CDC14A: variants seen among roughly 807,000 people sequenced by gnomAD.
The protein encoded by CDC14A is dual specificity protein phosphatase CDC14A.
In CDC14A, 53 loss-of-function variants were observed where a neutral mutation model predicts 74.4. That is an observed-to-expected ratio of 0.71 (90% CI 0.57 to 0.89). The LOEUF (loss-of-function observed/expected upper bound fraction) is 0.89, where lower values mean the gene tolerates loss of function less well. CDC14A is among the 40% of genes least tolerant of loss of function. The pLI, the probability that CDC14A is intolerant of heterozygous loss-of-function variation, is 0.00. For synonymous variants in CDC14A, 247 were observed against 258.4 expected, an observed-to-expected ratio of 0.96 and a Z score of 0.43; for missense variants, 646 against 713.7, an observed-to-expected ratio of 0.91 and a Z score of 1.08.
intron 2 of CDC14A, among the ~76,000 whole-genome samples, chr1:100,363,462 TTTG>T (rs1223209442): frequency 2.0e-5 from 3 of 152,246 alleles, no homozygotes; most frequent in African/African-American, 4.8e-5. Flanking sequence ...ATCACAATTA[TTTG>T]TTGTTGACAG....
At chr1:100,346,548 T>C (rs12123193) in intron 1 of CDC14A, among the ~76,000 whole-genome samples, 24,024 of 151,378 alleles carry the variant, frequency 0.16, 2,094 homozygotes, top group Non-Finnish European at 0.19. Flanking sequence ...GGGGGAATCA[T>C]TCAAGCTTAG....
At position 100,353,870 on chromosome 1, in the gene CDC14A, T is replaced by C; in HGVS notation, c.140+18T>C. The stretch of plus-strand genomic sequence containing the variant: ...TATGAAAAGTAAGTTTATGTTTTGT[T>C]TTTTTTTCTCTTGGCCATTCAGCTT... On this transcript the variant is annotated intron_variant, in intron 2 of 15. Coordinates refer to ENST00000336454, the MANE Select transcript of CDC14A (RefSeq NM_003672.4). The C allele has an allele frequency of 1.3e-6, 2 of 1,497,266 alleles. No individual in the cohort carries two copies. The highest frequency in any genetic ancestry group is 1.4e-5 in the African/African-American group (1 of 72,874). 92.7% of individuals were successfully genotyped at this position (1,497,266 alleles called of 1,614,324 possible).
chr1:100,366,231 A>AT lies in CDC14A; in HGVS notation c.141-11307dup, dbSNP rs557270900. On this transcript the variant is annotated intron_variant, in intron 2 of 15. Coordinates refer to ENST00000336454, the MANE Select transcript of CDC14A (RefSeq NM_003672.4). ...ATTCATCCTGTTTTTAAAGCAGTTA[A>AT]TTTTTTTTGTATTGCAAGTACTCTG... is the stretch of plus-strand genomic sequence containing the variant. Among the ~76,000 whole-genome samples, 33 of 152,126 alleles carry AT rather than the reference A, an allele frequency of 2.2e-4. No individual in the cohort carries two copies. The South Asian group carries it at 5.8e-3, about 27-fold the overall frequency.
intron 8 of CDC14A, among the ~76,000 whole-genome samples, chr1:100,456,712 C>A (rs1666735323): frequency 6.6e-6 from 1 of 151,662 alleles, no homozygotes; most frequent in African/African-American, 2.4e-5. Context: ...TATTGTTATT[C>A]ATGCATTTAG....
intron 13 of CDC14A, among the ~76,000 whole-genome samples, chr1:100,497,742 T>G (rs1183259579): frequency 6.6e-6 from 1 of 152,234 alleles, no homozygotes; most frequent in African/African-American, 2.4e-5. Context: ...AGCAGGACTT[T>G]GACTCCTGGG....
chr1:100,377,139 C>A (rs957798006), intron 2 of CDC14A, among the ~76,000 whole-genome samples: 31 of 151,632 alleles, frequency 2.0e-4, no homozygotes, highest in African/African-American at 7.0e-4. Flanking sequence ...CTCCCGGGTT[C>A]AAGTGATTCT....
At chr1:100,467,405 G>A (rs560424127) in intron 9 of CDC14A, among the ~76,000 whole-genome samples, 15 of 150,084 alleles carry the variant, frequency 1.0e-4, no homozygotes, top group Non-Finnish European at 2.2e-4. Flanking sequence ...TTACACACGC[G>A]CGCACACACA....
chr1:100,350,781 TACA>T (rs1260743020), upstream of CDC14A, among the ~76,000 whole-genome samples: 9 of 152,250 alleles, frequency 5.9e-5, no homozygotes, highest in African/African-American at 1.7e-4. Context: ...TCTTCGGAAA[TACA>T]ACAACATCTT....
intron 7 of CDC14A, among the ~76,000 whole-genome samples, chr1:100,451,853 T>C (rs1186362410): frequency 6.6e-6 from 1 of 152,224 alleles, no homozygotes; most frequent in Non-Finnish European, 1.5e-5. Context: ...TATCCACATA[T>C]TTGCTGCCAT....
chr1:100,371,551 G>C (rs1654477905), intron 2 of CDC14A, among the ~76,000 whole-genome samples: 2 of 152,148 alleles, frequency 1.3e-5, no homozygotes, highest in South Asian at 4.1e-4. Context: ...TCTTTGAGAT[G>C]ATCACATTTT....
At chr1:100,389,657 A>G (rs769465186) in intron 3 of CDC14A, among the ~76,000 whole-genome samples, 2 of 152,012 alleles carry the variant, frequency 1.3e-5, no homozygotes, top group East Asian at 1.9e-4. Flanking sequence ...CAATAGCAGG[A>G]TCAAGAAAAG....
chr1:100,475,216 A>G (rs935278566), intron 10 of CDC14A, among the ~76,000 whole-genome samples: 5 of 152,022 alleles, frequency 3.3e-5, no homozygotes, highest in African/African-American at 1.2e-4. Flanking sequence ...TGAATTTTAC[A>G]TTTTGGTTAT....
rs1557732405 is a variant in CDC14A at position 100,412,728 on chromosome 1, T to TATATATATATATATATAAA, written c.310-11484_310-11483insATATATAAAATATATATAT. Among the ~76,000 whole-genome samples, 61 of 98,116 alleles carry TATATATATATATATATAAA rather than the reference T, an allele frequency of 6.2e-4. 1 individual carries two copies. Among genetic ancestry groups the TATATATATATATATATAAA allele is most frequent in the Non-Finnish European group, 8.4e-4 (43 of 51,092 alleles). 64.4% of individuals were successfully genotyped at this position (98,116 alleles called of 152,430 possible). A position where few individuals can be genotyped will look rare whatever the true frequency, so the allele number is the denominator to read the frequency against. On this transcript the variant is annotated intron_variant, in intron 4 of 15. Transcript: ENST00000336454. ...TATATATATATATATATATATTTTATATATATATATTTTATATATATATAT... is the reference window on the plus strand; with the variant it reads ...TATATATATATATATATATATTTTATATATATATATATATATAAAATATATATATTTTATATATATATAT...
At chr1:100,346,750 A>AT (rs1650466960) in intron 1 of CDC14A, among the ~76,000 whole-genome samples, 1 of 152,208 alleles carries the variant, frequency 6.6e-6, no homozygotes, top group Non-Finnish European at 1.5e-5. Context: ...TGGACAATAA[A>AT]TTGACTACTC....
At chr1:100,443,982 A>C (rs1229104348) in intron 7 of CDC14A, among the ~76,000 whole-genome samples, 1 of 152,224 alleles carries the variant, frequency 6.6e-6, no homozygotes, top group Non-Finnish European at 1.5e-5. Context: ...TAAGATAAGG[A>C]CAGCCCTCAC....
At chr1:100,446,979 G>T (rs1005569453) in intron 7 of CDC14A, among the ~76,000 whole-genome samples, 2 of 152,198 alleles carry the variant, frequency 1.3e-5, no homozygotes, top group Non-Finnish European at 2.9e-5. Flanking sequence ...GATTGCAAGT[G>T]TGAGCCACTA....
chr1:100,433,882 C>A (rs1664013300), intron 5 of CDC14A, among the ~76,000 whole-genome samples: 1 of 152,118 alleles, frequency 6.6e-6, no homozygotes, highest in Non-Finnish European at 1.5e-5. Context: ...CTGATTTGGG[C>A]TCTCAAAATT....
At chr1:100,388,951 G>A (rs1488178873) in intron 3 of CDC14A, among the ~76,000 whole-genome samples, 2 of 152,138 alleles carry the variant, frequency 1.3e-5, no homozygotes, top group African/African-American at 4.8e-5. Flanking sequence ...AAGGCAGGTG[G>A]ATCACTTAAG....
chr1:100,397,473 G>A (rs190932053), intron 4 of CDC14A, among the ~76,000 whole-genome samples: 133 of 152,268 alleles, frequency 8.7e-4, no homozygotes, highest in Non-Finnish European at 1.5e-3. Flanking sequence ...AAAATTATGA[G>A]TATGAATTAA....
Sources: gnomAD v4.1 joint callset for allele counts (sites outside exome capture counted in the v4.1 genomes callset) on GRCh38, gnomAD v4.1.1 for gene constraint, MANE v1.5 for transcripts, NCBI Gene and HGNC (gene_info 2026-07-23, HGNC 2026-07-21) for gene names.